The following MARCHF8 variants were observed in gnomAD, a reference collection of about 807,000 sequenced individuals.
The protein encoded by MARCHF8 is membrane associated ring-CH-type finger 8.
Under a neutral mutation model 51.6 loss-of-function variants are expected in MARCHF8, and 40 were observed. The ratio of observed to expected loss-of-function variants is 0.77; its 90% CI spans 0.60 to 1.01. The LOEUF (loss-of-function observed/expected upper bound fraction) is 1.01. Ranked by LOEUF, MARCHF8 falls within the 50% of genes least tolerant of loss-of-function variation. The probability of loss-of-function intolerance (pLI) is 0.00; values close to 1 mark genes in which losing one functional copy is unlikely to be tolerated. For missense variants in MARCHF8, 685 were observed against 708.6 expected (o/e 0.97, Z 0.38); for synonymous variants, 263 against 280.3 (o/e 0.94, Z 0.62).
At position 45,455,489 on chromosome 10, in the gene MARCHF8, G is replaced by GT. The variant is rs575048333; in HGVS notation, c.*2749dup. On this transcript the variant is annotated 3_prime_UTR_variant, in exon 8 of 8. Transcript: ENST00000453424. ...TCCTGGCCCTGAGACCTCATTCTGG[G>GT]TTTCTATATGGGTCAACCAAATGCC... 7.3e-4 allele frequency: 110 copies of GT among 149,910 alleles called. No homozygotes were observed. The highest frequency in any genetic ancestry group is 2.6e-3 in the African/African-American group (107 of 40,788). 9.3% of individuals were successfully genotyped at this position (149,910 alleles called of 1,614,324 possible).
At chr10:45,546,136 A>ATTTT (rs869255291) in intron 1 of MARCHF8, among the ~76,000 whole-genome samples, 3 of 137,784 alleles carry the variant, frequency 2.2e-5, no homozygotes, top group Non-Finnish European at 3.1e-5. Flanking sequence ...AATGAGCTGA[A>ATTTT]TTTTTATTTA....
chr10:45,575,056 C>A (rs754003622), intron 1 of MARCHF8, among the ~76,000 whole-genome samples: 4 of 151,988 alleles, frequency 2.6e-5, no homozygotes, highest in African/African-American at 7.2e-5. Flanking sequence ...CGCTTTACTT[C>A]TGAAGGAAGC....
At chr10:45,549,115 A>C (rs2044165359) in intron 1 of MARCHF8, among the ~76,000 whole-genome samples, 1 of 152,168 alleles carries the variant, frequency 6.6e-6, no homozygotes, top group African/African-American at 2.4e-5. Flanking sequence ...AAGGGGGATG[A>C]AGGAGAGGTC....
intron 1 of MARCHF8, among the ~76,000 whole-genome samples, chr10:45,547,508 A>C (rs1348811692): frequency 2.0e-5 from 3 of 152,192 alleles, no homozygotes; most frequent in African/African-American, 7.2e-5. Flanking sequence ...GGGGATTCCA[A>C]GGTGCCAATT....
intron 3 of MARCHF8, among the ~76,000 whole-genome samples, chr10:45,483,639 C>A (rs1002352519): frequency 6.6e-6 from 1 of 152,126 alleles, no homozygotes; most frequent in Non-Finnish European, 1.5e-5. Context: ...TAGCACTGTT[C>A]GCAAAAGATA....
intron 3 of MARCHF8, among the ~76,000 whole-genome samples, chr10:45,476,810 A>C (rs535487715): frequency 6.6e-6 from 1 of 152,314 alleles, no homozygotes; most frequent in African/African-American, 2.4e-5. Flanking sequence ...TAAGACAAAA[A>C]AATTTAAAAA....
At chr10:45,467,576 C>G (rs1189274153) in intron 3 of MARCHF8, among the ~76,000 whole-genome samples, 1 of 152,172 alleles carries the variant, frequency 6.6e-6, no homozygotes, top group Non-Finnish European at 1.5e-5. Context: ...CAAAATGAAG[C>G]TGACAGCTTC....
In MARCHF8 at chr10:45,474,937, G is replaced by A. The variant is rs536861593; in HGVS notation, c.154-10610C>T. On this transcript the variant is annotated intron_variant, in intron 3 of 7. Transcript: ENST00000453424. ...ACAGAGGGAGCTGCCTGGAGATGGC[G>A]AGAAGGCATTGCTCCAGGGAGGGAG... is the stretch of plus-strand genomic sequence containing the variant. Among the ~76,000 whole-genome samples, 269 of 152,292 alleles carry A rather than the reference G, an allele frequency of 1.8e-3. 3 individuals carry two copies. The highest frequency in any genetic ancestry group is 5.3e-3 in the African/African-American group (220 of 41,566).
chr10:45,469,781 C>A (rs377607778), intron 3 of MARCHF8, among the ~76,000 whole-genome samples: 1 of 132,006 alleles, frequency 7.6e-6, no homozygotes, highest in Non-Finnish European at 1.5e-5. Flanking sequence ...AGGTGAATGG[C>A]GTGAACCCGG....
intron 1 of MARCHF8, among the ~76,000 whole-genome samples, chr10:45,551,146 A>ATC (rs2044189678): frequency 2.0e-5 from 3 of 152,200 alleles, no homozygotes; most frequent in Admixed American, 6.5e-5. Context: ...CCTCTCCTAG[A>ATC]TATACAATGA....
At chr10:45,529,163 C>G (rs1204833047) in intron 2 of MARCHF8, among the ~76,000 whole-genome samples, 2 of 152,198 alleles carry the variant, frequency 1.3e-5, no homozygotes, top group African/African-American at 2.4e-5. Context: ...CACATGCCTA[C>G]AGGCAAATGA....
Position 45,458,499 on chromosome 10 carries a change from T to C in MARCHF8, c.1462A>G (p.Ile488Val), listed in dbSNP as rs781089801. The C allele has an allele frequency of 4.3e-6, 7 of 1,611,176 alleles. No homozygotes were observed. Among genetic ancestry groups the C allele is most frequent in the Admixed American group, 1.7e-5 (1 of 59,554 alleles). ...AAAAGAAGTCCTCCGGTGAAGCCGA[T>C]GGCCACAACCACCAATTTAGTCCAA... ...PFWTKLVVVA[I>V]GFTGGLLFMY... is the part of the protein sequence containing the mutation. The change falls in exon 8 of 8, where the codon ATC becomes GTC. Residue 488 changes from isoleucine (I) to valine (V), a missense_variant. By Grantham distance (29) the Ile-to-Val change is conservative. Coordinates refer to ENST00000453424, the MANE Select transcript of MARCHF8 (RefSeq NM_001282866.2).
Position 45,560,882 on chromosome 10 carries a change from G to A in MARCHF8, c.-78-27593C>T, listed in dbSNP as rs146476482. Among the ~76,000 whole-genome samples the A allele has an allele frequency of 3.2e-3, 484 of 152,262 alleles. 3 individuals carry two copies. The highest frequency in any genetic ancestry group is 0.01 in the African/African-American group (423 of 41,550). On this transcript the variant is annotated intron_variant, in intron 1 of 6. Transcript: ENST00000319836. ...CTTTATTCTTAAAGAACACTGATGT[G>A]AGTTTCTGTTCCTTAAAATCAAAAA...
chr10:45,565,459 G>T (rs1206495143), intron 1 of MARCHF8, among the ~76,000 whole-genome samples: 2 of 151,874 alleles, frequency 1.3e-5, no homozygotes, highest in Admixed American at 1.3e-4. Flanking sequence ...AAACATATAT[G>T]ACAACAATAG....
chr10:45,574,384 G>A (rs904549471), intron 1 of MARCHF8, among the ~76,000 whole-genome samples: 17 of 152,074 alleles, frequency 1.1e-4, no homozygotes, highest in Admixed American at 4.6e-4. Context: ...CTACCCCGTG[G>A]TGCCAAACCC....
intron 1 of MARCHF8, among the ~76,000 whole-genome samples, chr10:45,588,009 A>C (rs1399082098): frequency 1.3e-5 from 2 of 152,168 alleles, no homozygotes; most frequent in African/African-American, 2.4e-5. Flanking sequence ...AGCTCATACC[A>C]AACACCCTAT....
At chr10:45,584,126 CATATATATATATATAT>C (rs55978063) in intron 1 of MARCHF8, among the ~76,000 whole-genome samples, 952 of 85,358 alleles carry the variant, frequency 0.011, 27 homozygotes, top group Admixed American at 0.049. Flanking sequence ...TATATACAAT[CATATATATATATATAT>C]ATATATATAT....
At chr10:45,577,074 G>A (rs2044498992) in intron 1 of MARCHF8, among the ~76,000 whole-genome samples, 1 of 152,108 alleles carries the variant, frequency 6.6e-6, no homozygotes, top group Non-Finnish European at 1.5e-5. Flanking sequence ...TCATGAATGG[G>A]ATTAGGGACT....
intron 3 of MARCHF8, among the ~76,000 whole-genome samples, chr10:45,479,733 T>C (rs2042851880): frequency 6.6e-6 from 1 of 152,258 alleles, no homozygotes; most frequent in Admixed American, 6.5e-5. Flanking sequence ...CATGTGGAAC[T>C]GTGAGTCCAT....
Sources: gnomAD v4.1 joint callset for allele counts (sites outside exome capture counted in the v4.1 genomes callset) on GRCh38, gnomAD v4.1.1 for gene constraint, MANE v1.5 for transcripts, NCBI Gene and HGNC (gene_info 2026-07-23, HGNC 2026-07-21) for gene names.